The following TANC2 variants were observed in gnomAD, a reference collection of about 807,000 sequenced individuals.
TANC2 encodes the protein protein TANC2.
TANC2 carries 26 observed loss-of-function variants against 210.5 expected under a neutral mutation model. The observed-to-expected ratio is 0.12, with a 90% CI of 0.09 to 0.17. The LOEUF (loss-of-function observed/expected upper bound fraction) is 0.17, where lower values mean the gene tolerates loss of function less well. Ranked by LOEUF, TANC2 falls within the 10% of genes least tolerant of loss-of-function variation. The pLI, the probability that TANC2 is intolerant of heterozygous loss-of-function variation, is 1.00. For synonymous variants in TANC2, 931 were observed against 967.1 expected (o/e 0.96, Z 0.69); for missense variants, 2,129 against 2,608.9 (o/e 0.82, Z 4.01).
In TANC2 at chr17:63,126,571, C is replaced by T. The variant is rs2038717415; in HGVS notation, c.323-24699C>T. On this transcript the variant is annotated intron_variant, in intron 4 of 27. Coordinates refer to ENST00000689528, the Ensembl canonical transcript of TANC2. ...CTACAGGTGCATGCCACCACACTGG[C>T]TGATTTTTTTATTTTTTAATAGAGA... Among the ~76,000 whole-genome samples, 7 of 152,008 alleles carry T rather than the reference C, an allele frequency of 4.6e-5. No homozygotes were observed. In the South Asian group the frequency reaches 1.5e-3, roughly 32 times the overall value.
intron 1 of TANC2, among the ~76,000 whole-genome samples, chr17:62,993,078 C>T (rs565608068): frequency 1.3e-5 from 2 of 152,302 alleles, no homozygotes; most frequent in South Asian, 2.1e-4. Flanking sequence ...GATGCTTCTA[C>T]TTCCCTTTTC....
intron 1 of TANC2, among the ~76,000 whole-genome samples, chr17:62,980,879 C>G (rs1222919302): frequency 6.6e-6 from 1 of 152,166 alleles, no homozygotes; most frequent in Non-Finnish European, 1.5e-5. Context: ...ATCCTCATTT[C>G]CTTTTCCAAC....
chr17:63,075,412 C>T (rs2036535280), intron 3 of TANC2, among the ~76,000 whole-genome samples: 1 of 152,148 alleles, frequency 6.6e-6, no homozygotes, highest in African/African-American at 2.4e-5. Flanking sequence ...AGGACAACTA[C>T]GTGATCTCAA....
chr17:63,005,894 G>GTT (rs1391448740), intron 1 of TANC2, among the ~76,000 whole-genome samples: 1 of 115,658 alleles, frequency 8.6e-6, no homozygotes, highest in Non-Finnish European at 1.8e-5. Context: ...TGGCTGTATA[G>GTT]TTTGTGTGTG....
intron 4 of TANC2, among the ~76,000 whole-genome samples, chr17:63,110,891 T>G (rs1402481179): frequency 6.6e-6 from 1 of 152,220 alleles, no homozygotes; most frequent in Non-Finnish European, 1.5e-5. Context: ...ATATACTTGG[T>G]TGAAACCGTG....
chr17:63,326,202 G>A (rs1309451636), intron 11 of TANC2, among the ~76,000 whole-genome samples: 3 of 152,124 alleles, frequency 2.0e-5, no homozygotes, highest in Non-Finnish European at 4.4e-5. Flanking sequence ...AAGTGGAATA[G>A]AATAAAAAGT....
chr17:63,265,794 G>T (rs1245487921), intron 8 of TANC2, among the ~76,000 whole-genome samples: 1 of 149,150 alleles, frequency 6.7e-6, no homozygotes, highest in African/African-American at 2.4e-5. Context: ...TGTCTTCATT[G>T]TTACACTTTC....
At chr17:63,299,936 A>G (rs528771035) in intron 9 of TANC2, among the ~76,000 whole-genome samples, 3 of 152,234 alleles carry the variant, frequency 2.0e-5, no homozygotes, top group South Asian at 2.1e-4. Flanking sequence ...TAGGTCTTTA[A>G]TCCATCTTGA....
intron 4 of TANC2, among the ~76,000 whole-genome samples, chr17:63,120,044 CTG>C (rs1052553632): frequency 1.3e-5 from 2 of 149,280 alleles, no homozygotes; most frequent in Non-Finnish European, 3.0e-5. Flanking sequence ...GAGCAAGACT[CTG>C]TCTCATAAAA....
intron 5 of TANC2, among the ~76,000 whole-genome samples, chr17:63,156,718 T>TC (rs1491300664): frequency 6.6e-6 from 1 of 151,938 alleles, no homozygotes; most frequent in Non-Finnish European, 1.5e-5. Flanking sequence ...CTTTTTTTTT[T>TC]CTCTCTCTCT....
intron 8 of TANC2, among the ~76,000 whole-genome samples, chr17:63,256,151 A>G (rs1598719071): frequency 6.6e-6 from 1 of 151,206 alleles, no homozygotes. Context: ...CAAGTGATCC[A>G]CCTGCCTCGG....
Position 63,421,682 on chromosome 17 carries a change from T to C in TANC2, c.5952T>C (p.Ile1984=). 1 of 1,614,022 alleles carries C rather than the reference T, an allele frequency of 6.2e-7. No homozygotes were observed. The highest frequency in any genetic ancestry group is 8.5e-7 in the Non-Finnish European group (1 of 1,179,890). ...GTCCACCATCATCCATCAGCAACAT[T>C]GCCTTTTATAACAAAACCAACAATG... is the stretch of plus-strand genomic sequence containing the variant. Residue 1984 remains isoleucine, a synonymous_variant, in exon 28 of 28, where the codon ATT becomes ATC. Coordinates refer to ENST00000689528, the Ensembl canonical transcript of TANC2. The surrounding 1 kb of genome is among the most constrained non-coding windows in gnomAD (Gnocchi z 6.9).
At chr17:63,002,078 A>C (rs998316633) in intron 1 of TANC2, among the ~76,000 whole-genome samples, 1 of 152,256 alleles carries the variant, frequency 6.6e-6, no homozygotes. Flanking sequence ...TTTGGAGGTA[A>C]GTATTTGGGG....
chr17:63,173,649 A>G (rs1213408691), intron 5 of TANC2, among the ~76,000 whole-genome samples: 3 of 152,174 alleles, frequency 2.0e-5, no homozygotes, highest in Non-Finnish European at 2.9e-5. Flanking sequence ...GTCTCTGCCA[A>G]ATGCAGGTGA....
chr17:63,279,709 C>T (rs1382063457), intron 9 of TANC2, among the ~76,000 whole-genome samples: 2 of 152,118 alleles, frequency 1.3e-5, no homozygotes, highest in Non-Finnish European at 2.9e-5. Context: ...CACTGGTGAG[C>T]ACTGTACAGA....
chr17:63,025,810 A>AT (rs1323508992), intron 2 of TANC2, among the ~76,000 whole-genome samples: 1,327 of 121,604 alleles, frequency 0.011, 5 homozygotes, highest in Middle Eastern at 0.019. Context: ...ATAAAATAAA[A>AT]TAAAATTAAA....
At chr17:63,096,683 A>C (rs1432711742) in intron 3 of TANC2, among the ~76,000 whole-genome samples, 1 of 152,068 alleles carries the variant, frequency 6.6e-6, no homozygotes, top group Non-Finnish European at 1.5e-5. Context: ...CTTTTTGGCT[A>C]TTATGTATGA....
chr17:63,399,664 G>A (rs1285672233), intron 19 of TANC2, among the ~76,000 whole-genome samples: 1 of 152,176 alleles, frequency 6.6e-6, no homozygotes, highest in Non-Finnish European at 1.5e-5. Flanking sequence ...ATATTTTCCA[G>A]GAGAAGTAGA....
Position 62,966,973 on chromosome 17 carries a change from G to T in TANC2, c.-24+224G>T. The T allele has an allele frequency of 6.6e-6, 1 of 152,400 alleles. No individual in the cohort carries two copies. Among genetic ancestry groups the T allele is most frequent in the Non-Finnish European group, 1.5e-5 (1 of 68,076 alleles). 9.4% of individuals were successfully genotyped at this position (152,400 alleles called of 1,614,324 possible). A position where few individuals can be genotyped will look rare whatever the true frequency, so the allele number is the denominator to read the frequency against. ...TCGCCACTTGGCTGTCACCGAAGATGTCATGGAATTTGGTACCTAGAGCGT... is the reference window on the plus strand; with the variant it reads ...TCGCCACTTGGCTGTCACCGAAGATTTCATGGAATTTGGTACCTAGAGCGT... On this transcript the variant is annotated intron_variant, in intron 1 of 27. Transcript: ENST00000689528. This position sits in a 1 kb window ranked among gnomAD's most constrained non-coding sequence, Gnocchi z 5.1.
Sources: allele counts gnomAD v4.1 joint callset (sites outside exome capture counted in the v4.1 genomes callset), GRCh38; gene constraint gnomAD v4.1.1; non-coding constraint Gnocchi (gnomAD v3.1); transcripts MANE v1.5; gene names NCBI Gene and HGNC (gene_info 2026-07-23, HGNC 2026-07-21).